RNF220: variants seen among roughly 807,000 people sequenced by gnomAD.
The protein encoded by RNF220 is E3 ubiquitin-protein ligase RNF220.
In RNF220, 7 loss-of-function variants were observed where a neutral mutation model predicts 67.1. That is an observed-to-expected ratio of 0.10 (90% CI 0.06 to 0.20). The LOEUF is 0.20. RNF220 is among the 10% of genes least tolerant of loss of function. RNF220 has a pLI of 1.00. For synonymous variants in RNF220, 270 were observed against 283.2 expected, an observed-to-expected ratio of 0.95 and a Z score of 0.47; for missense variants, 565 against 740.3, an observed-to-expected ratio of 0.76 and a Z score of 2.75.
intron 2 of RNF220, among the ~76,000 whole-genome samples, chr1:44,420,998 G>T (rs1213826907): frequency 1.3e-5 from 2 of 152,180 alleles, no homozygotes; most frequent in Non-Finnish European, 2.9e-5. Flanking sequence ...ATGCCTTATG[G>T]CAATGTGGAA....
intron 2 of RNF220, among the ~76,000 whole-genome samples, chr1:44,433,158 G>A (rs4347247): frequency 0.57 from 86,061 of 151,968 alleles, 24,819 homozygotes; most frequent in Admixed American, 0.65. Flanking sequence ...TCGAACTCTT[G>A]ACCTCAAGTA....
chr1:44,635,032 A>C (rs1235702999), intron 6 of RNF220, among the ~76,000 whole-genome samples: 4 of 152,144 alleles, frequency 2.6e-5, no homozygotes, highest in African/African-American at 9.7e-5. Flanking sequence ...CTTCCTGATA[A>C]GATTCTAGGT....
chr1:44,520,523 C>A (rs77561566), intron 2 of RNF220, among the ~76,000 whole-genome samples: 5,340 of 152,256 alleles, frequency 0.035, 149 homozygotes, highest in Middle Eastern at 0.054. Flanking sequence ...CAACTTAACT[C>A]CCTGCCATCT....
intron 2 of RNF220, among the ~76,000 whole-genome samples, chr1:44,540,082 T>C (rs910244010): frequency 6.6e-6 from 1 of 152,208 alleles, no homozygotes; most frequent in South Asian, 2.1e-4. Flanking sequence ...AAAGGCATTC[T>C]TCCACACTGG....
intron 2 of RNF220, among the ~76,000 whole-genome samples, chr1:44,459,357 C>A (rs549413669): frequency 8.5e-5 from 13 of 152,188 alleles, no homozygotes; most frequent in African/African-American, 3.1e-4. Context: ...TCCTACTGAG[C>A]CTACATCTCA....
At chr1:44,535,387 C>T (rs1661139786) in intron 2 of RNF220, among the ~76,000 whole-genome samples, 1 of 152,032 alleles carries the variant, frequency 6.6e-6, no homozygotes, top group African/African-American at 2.4e-5. Context: ...GATCCGCCCA[C>T]CTTGGCCTCC....
chr1:44,556,763 G>T (rs1274250828), intron 2 of RNF220, among the ~76,000 whole-genome samples: 1 of 152,056 alleles, frequency 6.6e-6, no homozygotes, highest in Non-Finnish European at 1.5e-5. Flanking sequence ...GTTTCACTGT[G>T]TTAGCCAGGA....
At chr1:44,458,641 C>G (rs531820344) in intron 2 of RNF220, among the ~76,000 whole-genome samples, 1 of 152,300 alleles carries the variant, frequency 6.6e-6, no homozygotes, top group South Asian at 2.1e-4. Flanking sequence ...TATGAAACTT[C>G]CCAAAGTATC....
intron 2 of RNF220, among the ~76,000 whole-genome samples, chr1:44,551,450 T>G (rs1386549462): frequency 6.6e-6 from 1 of 151,970 alleles, no homozygotes; most frequent in Non-Finnish European, 1.5e-5. Flanking sequence ...CTGATGAGGA[T>G]TCATATTTTT....
intron 2 of RNF220, among the ~76,000 whole-genome samples, chr1:44,610,785 GGA>G (rs781365299): frequency 6.6e-6 from 1 of 152,164 alleles, no homozygotes; most frequent in African/African-American, 2.4e-5. Context: ...CCAGATTCTG[GGA>G]GCTGTGGAAA....
rs11811245 is a variant in RNF220, at chr1:44,563,476, C to T, written c.626-50689C>T. Among the ~76,000 whole-genome samples, 372 of 152,258 alleles carry T rather than the reference C, an allele frequency of 2.4e-3. 1 individual carries two copies. Among genetic ancestry groups the T allele is most frequent in the African/African-American group, 8.3e-3 (346 of 41,550 alleles). ...ACCCAGGGAGATGGGGCCAGATGAA[C>T]GGGAAGAGGGAGAGCTGCTGCATTT... On this transcript the variant is annotated intron_variant, in intron 2 of 14. Transcript: ENST00000361799.
chr1:44,542,441 G>A (rs1458468768), intron 2 of RNF220, among the ~76,000 whole-genome samples: 1 of 152,162 alleles, frequency 6.6e-6, no homozygotes, highest in Non-Finnish European at 1.5e-5. Context: ...TATGGGGGAG[G>A]GAGGAGGATA....
At chr1:44,625,135 T>A (rs1040272170) in intron 4 of RNF220, among the ~76,000 whole-genome samples, 1 of 152,174 alleles carries the variant, frequency 6.6e-6, no homozygotes, top group Non-Finnish European at 1.5e-5. Context: ...AGCATCTTCC[T>A]TGGGACCAGA....
At chr1:44,605,950 A>T (rs917303653) in intron 2 of RNF220, among the ~76,000 whole-genome samples, 1 of 152,182 alleles carries the variant, frequency 6.6e-6, no homozygotes, top group Non-Finnish European at 1.5e-5. Flanking sequence ...TTCCCAGGAC[A>T]TCCCTGGGCA....
rs556670981 is a variant in RNF220, at chr1:44,438,669, G to T, written c.625+25947G>T. ...CTTAGGTGGCCTGTGACCCATTTAA[G>T]GAGACAAAAACCCTATACCAGAGAA... On this transcript the variant is annotated intron_variant, in intron 2 of 14. Coordinates refer to ENST00000361799, the MANE Select transcript of RNF220 (RefSeq NM_018150.4). Among the ~76,000 whole-genome samples, 11 of 152,258 alleles carry T rather than the reference G, an allele frequency of 7.2e-5. No homozygotes were observed. In the South Asian group the frequency reaches 2.3e-3, roughly 32 times the overall value.
intron 2 of RNF220, among the ~76,000 whole-genome samples, chr1:44,511,916 C>CGTATGTGTGTGT (rs1659039702): frequency 6.8e-6 from 1 of 147,706 alleles, no homozygotes; most frequent in African/African-American, 2.5e-5. Flanking sequence ...CGTGTGTGTG[C>CGTATGTGTGTGT]GTGTGTGTGT....
chr1:44,616,600 C>A (rs1473358630), intron 3 of RNF220, among the ~76,000 whole-genome samples: 1 of 152,056 alleles, frequency 6.6e-6, no homozygotes, highest in South Asian at 2.1e-4. Flanking sequence ...CCCTACCCCC[C>A]GCCCACACAC....
chr1:44,547,334 T>G (rs1662247712), intron 2 of RNF220, among the ~76,000 whole-genome samples: 1 of 152,250 alleles, frequency 6.6e-6, no homozygotes, highest in African/African-American at 2.4e-5. Flanking sequence ...GGCTCATTTC[T>G]GCCACAGTCC....
chr1:44,649,568 A>G lies in RNF220; in HGVS notation c.1446-93A>G. ...AGGCAGGGATGCCTAGGGGACATTT[A>G]TGTATTTGGTTCTGGAATTCAAGGG... On this transcript the variant is annotated intron_variant, in intron 12 of 14. Transcript: ENST00000361799. The surrounding 1 kb of genome is among the most constrained non-coding windows in gnomAD (Gnocchi z 5.9). The G allele has an allele frequency of 1.7e-6, 2 of 1,149,108 alleles. No homozygotes were observed. The highest frequency in any genetic ancestry group is 2.5e-5 in the South Asian group (2 of 78,712). The allele number at this position is 1,149,108 out of a possible 1,614,324, so 71.2% of individuals were successfully genotyped here. A position where few individuals can be genotyped will look rare whatever the true frequency, so the allele number is the denominator to read the frequency against.
Sources: allele counts gnomAD v4.1 joint callset (sites outside exome capture counted in the v4.1 genomes callset), GRCh38; gene constraint gnomAD v4.1.1; non-coding constraint Gnocchi (gnomAD v3.1); transcripts MANE v1.5; gene names NCBI Gene and HGNC (gene_info 2026-07-23, HGNC 2026-07-21).